HAL: variants seen among roughly 807,000 people sequenced by gnomAD.
The protein encoded by HAL is histidase.
Under a neutral mutation model 81.1 loss-of-function variants are expected in HAL, and 85 were observed. The ratio of observed to expected loss-of-function variants is 1.05; its 90% CI spans 0.88 to 1.25. The LOEUF (loss-of-function observed/expected upper bound fraction) is 1.25. Ranked by LOEUF, HAL falls within the 50% of genes most tolerant of loss-of-function variation. HAL has a pLI of 0.00. For synonymous variants in HAL, 301 were observed against 309.2 expected (o/e 0.97, Z 0.28); for missense variants, 798 against 836.6 (o/e 0.95, Z 0.57).
chr12:95,988,042 A>T, intron 11 of HAL, 151 bp downstream of exon 11: 1 of 647,982 alleles, frequency 1.5e-6, no homozygotes, highest in East Asian at 2.6e-5. Flanking sequence ...AATCTTTTAA[A>T]TTCTTACGGA....
chr12:95,995,531 T>A, intron 2 of HAL, 133 bp downstream of exon 2: 1 of 1,205,838 alleles, frequency 8.3e-7, no homozygotes, highest in Non-Finnish European at 1.2e-6. Flanking sequence ...AGGCGTGGCA[T>A]GTGCCTGCAC....
At position 95,983,989 on chromosome 12, in the gene HAL, G is replaced by C; in HGVS notation, c.1209C>G (p.Val403=). The stretch of plus-strand genomic sequence containing the variant: ...CTATTGTATCATTCACCACACCATG[G>C]ACCTAAAATACAATCAAAATAAGGT... ...DAYTLRCCPQ[V]HGVVNDTIAF... is the part of the protein sequence containing the mutation. The change falls in exon 15 of 21, where the codon GTC becomes GTG. Residue 403 remains valine (V), a splice_region_variant and synonymous_variant. Coordinates refer to ENST00000261208, the MANE Select transcript of HAL (RefSeq NM_002108.4). The C allele has an allele frequency of 6.6e-7, 1 of 1,526,520 alleles. No individual in the cohort carries two copies. Among genetic ancestry groups the C allele is most frequent in the Non-Finnish European group, 9.1e-7 (1 of 1,101,066 alleles). 94.6% of individuals were successfully genotyped at this position (1,526,520 alleles called of 1,614,324 possible). A position where few individuals can be genotyped will look rare whatever the true frequency, so the allele number is the denominator to read the frequency against.
chr12:95,994,346 CT>C (rs1158274281), intron 4 of HAL, among the ~76,000 whole-genome samples, 182 bp from the exon 5 acceptor site: 1 of 152,168 alleles, frequency 6.6e-6, no homozygotes, highest in African/African-American at 2.4e-5. Context: ...AGCATAATGC[CT>C]TTCCAAGCCC....
rs1379331089 is a variant in HAL at position 95,973,719 on chromosome 12, A to T, written c.*513T>A. On this transcript the variant is annotated 3_prime_UTR_variant, in exon 21 of 21. Transcript: ENST00000261208. ...GAAGAAAAAAGCAGCTTAAGGACAA[A>T]TTATGACTTAAAATGGTTATTTATG... 6.3e-6 allele frequency: 1 copy of T among 158,564 alleles called. No homozygotes were observed. The highest frequency in any genetic ancestry group is 2.4e-5 in the African/African-American group (1 of 41,448). The allele number at this position is 158,564 out of a possible 1,614,324, so 9.8% of individuals were successfully genotyped here.
intron 15 of HAL, among the ~76,000 whole-genome samples, chr12:95,981,989 C>T (rs1421423248): frequency 1.3e-5 from 2 of 152,198 alleles, no homozygotes; most frequent in African/African-American, 4.8e-5. Context: ...TTACTCTGTT[C>T]TGCATGTGTA....
chr12:95,985,127 A>G (rs1949865664), intron 14 of HAL, among the ~76,000 whole-genome samples: 1 of 152,258 alleles, frequency 6.6e-6, no homozygotes, highest in Non-Finnish European at 1.5e-5. Context: ...CAAGTAAGGT[A>G]TAACCATTAC....
intron 17 of HAL, among the ~76,000 whole-genome samples, chr12:95,979,484 T>G (rs1035291575): frequency 6.6e-6 from 1 of 152,182 alleles, no homozygotes; most frequent in Non-Finnish European, 1.5e-5. Context: ...AAATTGAGGA[T>G]CAACAGGATA....
chr12:95,989,429 A>G (rs1949941560), intron 10 of HAL: 2 of 152,258 alleles, frequency 1.3e-5, no homozygotes, highest in South Asian at 4.1e-4. Flanking sequence ...AGATCCCTAG[A>G]AGATGTTTCA....
At chr12:95,991,850 G>A (rs1471002657) in intron 9 of HAL, among the ~76,000 whole-genome samples, 1 of 152,200 alleles carries the variant, frequency 6.6e-6, no homozygotes, top group African/African-American at 2.4e-5. Context: ...AGTCTGTTCA[G>A]CACAGCCCTG....
At position 95,983,160 on chromosome 12, in the gene HAL, G is replaced by A. The variant is rs145288989; in HGVS notation, c.1287+751C>T. On this transcript the variant is annotated intron_variant, in intron 15 of 20. Coordinates refer to ENST00000261208, the MANE Select transcript of HAL (RefSeq NM_002108.4). ...CCCGGCACTTTGGGAGGCCGAGGCA[G>A]GTGGATCACTTGAGGTCAGGAGTTT... 8.9e-3 allele frequency among the ~76,000 whole-genome samples: 1,349 copies of A among 152,320 alleles called. 9 individuals carry two copies. Among genetic ancestry groups the A allele is most frequent in the Non-Finnish European group, 0.012 (794 of 68,028 alleles).
At chr12:95,989,039 G>T (rs2268517) in intron 10 of HAL, among the ~76,000 whole-genome samples, 18 of 152,044 alleles carry the variant, frequency 1.2e-4, no homozygotes, top group African/African-American at 4.3e-4. Flanking sequence ...CTGAGTAATA[G>T]TACATTCAGT....
chr12:95,986,438 T>G (rs1949889901), intron 12 of HAL, among the ~76,000 whole-genome samples: 1 of 152,136 alleles, frequency 6.6e-6, no homozygotes, highest in African/African-American at 2.4e-5. Context: ...CACTCAGAAT[T>G]AGAAACTTAA....
At chr12:95,995,239 C>G (rs1950020022) in intron 2 of HAL, 1 of 595,126 alleles carries the variant, frequency 1.7e-6, no homozygotes. Flanking sequence ...CACTTCCATC[C>G]CCATTCCCAG....
chr12:95,994,080 C>T lies in HAL; in HGVS notation c.411+10G>A. ...TGGCCAGAGGACATCTTTCCCCTCC[C>T]TCCCCATACCTTTATTTTGTAGCGT... is the stretch of plus-strand genomic sequence containing the variant. On this transcript the variant is annotated intron_variant, in intron 5 of 20. Coordinates refer to ENST00000261208, the MANE Select transcript of HAL (RefSeq NM_002108.4). 1 of 1,609,572 alleles carries T rather than the reference C, an allele frequency of 6.2e-7. No individual in the cohort carries two copies. The highest frequency in any genetic ancestry group is 1.1e-5 in the South Asian group (1 of 90,982).
intron 1 of HAL, 37 bp from the exon 2 acceptor site, chr12:95,996,028 CT>C: frequency 1.0e-6 from 1 of 955,988 alleles, no homozygotes; most frequent in Non-Finnish European, 1.6e-6. Flanking sequence ...ACCACTCCCC[CT>C]CCTTCACCTT....
Position 95,993,470 on chromosome 12 carries a change from T to C in HAL, c.570A>G (p.Leu190=), listed in dbSNP as rs1378082022. ...INKLQELQVN[L]VRSHSSGVGK... is the part of the protein sequence containing the mutation. ...ACTTACCTGAAGAATGTGAGCGTAC[T>C]AAGTTGACCTGAAGCTCCCTGCAAC... Residue 190 remains leucine (L), a synonymous_variant, in exon 8 of 21, where the codon TTA becomes TTG. Transcript: ENST00000261208. 6.2e-7 allele frequency: 1 copy of C among 1,604,682 alleles called. No individual in the cohort carries two copies. The highest frequency in any genetic ancestry group is 8.5e-7 in the Non-Finnish European group (1 of 1,171,298).
intron 18 of HAL, 92 bp downstream of exon 18, chr12:95,977,852 A>C: frequency 2.2e-6 from 3 of 1,343,890 alleles, no homozygotes; most frequent in Non-Finnish European, 3.2e-6. Flanking sequence ...TTTCCAGGTG[A>C]TGCTGATGTT....
At chr12:95,977,642 CAA>C (rs60410496) in intron 18 of HAL, among the ~76,000 whole-genome samples, 21 of 99,912 alleles carry the variant, frequency 2.1e-4, no homozygotes, top group African/African-American at 5.2e-4. Context: ...GATCCTGCCT[CAA>C]AAAAAAAAAA....
At position 95,995,853 on chromosome 12, in the gene HAL, C is replaced by T; in HGVS notation, c.58G>A (p.Ala20Thr). The T allele has an allele frequency of 6.2e-7, 1 of 1,609,868 alleles. No individual in the cohort carries two copies. The highest frequency in any genetic ancestry group is 8.5e-7 in the Non-Finnish European group (1 of 1,179,850). Residue 20 changes from alanine (A) to threonine (T), a missense_variant, in exon 2 of 21, where the codon GCG (alanine) becomes ACG (threonine). Ala to Thr is a moderately conservative substitution (Grantham distance 58, BLOSUM62 0). Transcript: ENST00000261208. ...GEWLAVPCQD[A>T]QLTVGWLGRE... ...CCCAGCCAGCCCACAGTGAGCTGCG[C>T]GTCCTGGCAGGGCACTGCCAGCCAT...
Sources: allele counts gnomAD v4.1 joint callset (sites outside exome capture counted in the v4.1 genomes callset), GRCh38; gene constraint gnomAD v4.1.1; transcripts MANE v1.5; gene names NCBI Gene and HGNC (gene_info 2026-07-23, HGNC 2026-07-21).